Variants in ADAMTSL1 observed in about 807,000 individuals in gnomAD.
ADAMTSL1 encodes ADAMTS like 1.
Under a neutral mutation model 201.8 loss-of-function variants are expected in ADAMTSL1, and 126 were observed. The ratio of observed to expected loss-of-function variants is 0.62; its 90% CI spans 0.54 to 0.72. The LOEUF is 0.72. Ranked by LOEUF, ADAMTSL1 falls within the 30% of genes least tolerant of loss-of-function variation. ADAMTSL1 has a pLI of 0.00. For synonymous variants in ADAMTSL1, 1,121 were observed against 903.4 expected, an observed-to-expected ratio of 1.24 and a Z score of -4.32; for missense variants, 2,679 against 2,277.8, an observed-to-expected ratio of 1.18 and a Z score of -3.59.
At chr9:18,217,877 G>A (rs948170677) in intron 2 of ADAMTSL1, among the ~76,000 whole-genome samples, 1 of 151,936 alleles carries the variant, frequency 6.6e-6, no homozygotes, top group African/African-American at 2.4e-5. Context: ...GTGCCTTGAG[G>A]CAATGTACGT....
chr9:18,126,315 C>G (rs926156504), intron 1 of ADAMTSL1, among the ~76,000 whole-genome samples: 4 of 152,234 alleles, frequency 2.6e-5, no homozygotes, highest in African/African-American at 9.6e-5. Context: ...CAAATTCCTT[C>G]TTACCACTAT....
At chr9:18,623,203 G>A (rs568860427) in intron 5 of ADAMTSL1, among the ~76,000 whole-genome samples, 1 of 150,844 alleles carries the variant, frequency 6.6e-6, no homozygotes, top group Non-Finnish European at 1.5e-5. Flanking sequence ...CCTATATGAA[G>A]CTTTTTATTG....
At chr9:18,281,441 T>G (rs1832785258) in intron 2 of ADAMTSL1, among the ~76,000 whole-genome samples, 1 of 152,142 alleles carries the variant, frequency 6.6e-6, no homozygotes, top group Non-Finnish European at 1.5e-5. Context: ...CACTGATCCG[T>G]GCACAGACGA....
chr9:18,807,639 C>A (rs1823235303), intron 20 of ADAMTSL1, among the ~76,000 whole-genome samples: 1 of 134,104 alleles, frequency 7.5e-6, no homozygotes, highest in South Asian at 2.5e-4. Flanking sequence ...GAGCGAGACT[C>A]TGTCTCAAAA....
rs147812276 is a variant in ADAMTSL1, at chr9:18,605,666, C to A, written c.475-16577C>A. On this transcript the variant is annotated intron_variant, in intron 4 of 28. Transcript: ENST00000380548. The stretch of plus-strand genomic sequence containing the variant: ...TATCCCTCATTTTGTAACTGCATCA[C>A]CCCGGTACTATAATCTTGAACACTT... Among the ~76,000 whole-genome samples, 206 of 152,302 alleles carry A rather than the reference C, an allele frequency of 1.4e-3. 1 individual carries two copies. The highest frequency in any genetic ancestry group is 4.6e-3 in the African/African-American group (190 of 41,578).
chr9:18,094,379 G>A lies in ADAMTSL1; in HGVS notation c.88-69483G>A, dbSNP rs149707420. Among the ~76,000 whole-genome samples, 3 of 152,242 alleles carry A rather than the reference G, an allele frequency of 2.0e-5. No individual in the cohort carries two copies. In the East Asian group the frequency reaches 5.8e-4, roughly 29 times the overall value. ...ATACTACCACTGTGTGGTTCACTGT[G>A]TGAACTTCTCAGTTATGTGTGTAGT... On this transcript the variant is annotated intron_variant, in intron 1 of 29. Coordinates refer to the ADAMTSL1 transcript ENST00000680146.
chr9:18,021,983 T>C (rs1386309724), intron 1 of ADAMTSL1, among the ~76,000 whole-genome samples: 2 of 152,122 alleles, frequency 1.3e-5, no homozygotes, highest in Admixed American at 6.6e-5. Flanking sequence ...CTCAGCTCTA[T>C]AAAAGTGGTG....
intron 2 of ADAMTSL1, among the ~76,000 whole-genome samples, chr9:18,297,278 G>A (rs1040534965): frequency 5.3e-5 from 8 of 152,122 alleles, no homozygotes; most frequent in Admixed American, 5.2e-4. Flanking sequence ...TTTTTGTTAG[G>A]AGGAACTGGT....
At chr9:18,576,613 A>T (rs1282555206) in intron 4 of ADAMTSL1, among the ~76,000 whole-genome samples, 1 of 152,210 alleles carries the variant, frequency 6.6e-6, no homozygotes, top group Admixed American at 6.5e-5. Flanking sequence ...GCCGTTTCAT[A>T]GAAGAGGAAA....
Position 18,139,692 on chromosome 9 carries a change from ATATTTT to A in ADAMTSL1, c.88-24169_88-24164del, listed in dbSNP as rs1826316020. 9.8e-5 allele frequency among the ~76,000 whole-genome samples: 15 copies of A among 152,344 alleles called. No individual in the cohort carries two copies. In the South Asian group the frequency reaches 3.1e-3, roughly 32 times the overall value. On this transcript the variant is annotated intron_variant, in intron 1 of 29. Coordinates refer to the ADAMTSL1 transcript ENST00000680146. ...ATCCTATGTGACTGCTATGTAGGTT[ATATTTT>A]AACCTTATAAACTGCAGAAGTAAGA...
intron 7 of ADAMTSL1, among the ~76,000 whole-genome samples, chr9:18,645,238 T>C (rs1036711358): frequency 6.6e-6 from 1 of 152,230 alleles, no homozygotes; most frequent in African/African-American, 2.4e-5. Context: ...TGGGGTTGTT[T>C]GTTTTATTCT....
intron 1 of ADAMTSL1, among the ~76,000 whole-genome samples, chr9:18,074,880 G>A (rs960796919): frequency 1.3e-5 from 2 of 152,142 alleles, no homozygotes; most frequent in Non-Finnish European, 2.9e-5. Flanking sequence ...CGTGAGCCAT[G>A]GTGCCCAGCC....
At chr9:18,230,244 A>G (rs1364799948) in intron 2 of ADAMTSL1, among the ~76,000 whole-genome samples, 1 of 152,058 alleles carries the variant, frequency 6.6e-6, no homozygotes, top group Non-Finnish European at 1.5e-5. Context: ...CACACATGCT[A>G]TTTGCTTTCT....
At chr9:18,521,285 T>C (rs190818647) in intron 2 of ADAMTSL1, among the ~76,000 whole-genome samples, 22 of 152,212 alleles carry the variant, frequency 1.4e-4, no homozygotes, top group African/African-American at 4.6e-4. Context: ...TCAAAGTACA[T>C]TTTTAAAGTA....
At chr9:18,398,808 TC>T (rs1033902834) in intron 2 of ADAMTSL1, among the ~76,000 whole-genome samples, 2 of 152,138 alleles carry the variant, frequency 1.3e-5, no homozygotes, top group African/African-American at 4.8e-5. Flanking sequence ...GAAATCAAAT[TC>T]CCTCCATCAA....
At chr9:18,224,049 C>G (rs931426824) in intron 2 of ADAMTSL1, among the ~76,000 whole-genome samples, 6 of 151,892 alleles carry the variant, frequency 4.0e-5, no homozygotes, top group Admixed American at 1.3e-4. Flanking sequence ...ATCCTCTTTT[C>G]CAGAACCAAG....
At chr9:18,787,056 A>G (rs549909006) in intron 19 of ADAMTSL1, among the ~76,000 whole-genome samples, 1 of 152,340 alleles carries the variant, frequency 6.6e-6, no homozygotes, top group East Asian at 1.9e-4. Flanking sequence ...ATAATTCTCT[A>G]TGTACAAGTC....
chr9:17,949,164 C>A (rs992512925), intron 1 of ADAMTSL1, among the ~76,000 whole-genome samples: 18 of 152,164 alleles, frequency 1.2e-4, no homozygotes, highest in Admixed American at 1.0e-3. Flanking sequence ...AAAGCCTCCA[C>A]GTGTATGTTG....
intron 4 of ADAMTSL1, among the ~76,000 whole-genome samples, chr9:18,582,034 A>G (rs1823131292): frequency 6.6e-6 from 1 of 152,188 alleles, no homozygotes; most frequent in South Asian, 2.1e-4. Context: ...TGCAATTAAC[A>G]GGTATCCAAG....
Sources: gnomAD v4.1 joint callset for allele counts (sites outside exome capture counted in the v4.1 genomes callset) on GRCh38, gnomAD v4.1.1 for gene constraint, MANE v1.5 for transcripts, NCBI Gene and HGNC (gene_info 2026-07-23, HGNC 2026-07-21) for gene names.